PLCL2: variants seen among roughly 807,000 people sequenced by gnomAD.
The protein encoded by PLCL2 is inactive phospholipase C-like protein 2.
In PLCL2, 4 loss-of-function variants were observed where a neutral mutation model predicts 79.6. The ratio of observed to expected loss-of-function variants is 0.05; its 90% CI spans 0.02 to 0.11. PLCL2 has a LOEUF of 0.11. Ranked by LOEUF, PLCL2 falls within the 10% of genes least tolerant of loss-of-function variation. The pLI, the probability that PLCL2 is intolerant of heterozygous loss-of-function variation, is 1.00. For synonymous variants in PLCL2, 484 were observed against 457.7 expected (o/e 1.06, Z -0.73); for missense variants, 895 against 1,291.0 (o/e 0.69, Z 4.70).
chr3:17,002,075 A>G, intron 1 of PLCL2, among the ~76,000 whole-genome samples: 1 of 152,030 alleles, frequency 6.6e-6, no homozygotes, highest in East Asian at 1.9e-4. Flanking sequence ...CTTTGGTTAC[A>G]TTTATTCCTA....
At chr3:16,894,451 A>T (rs911490688) in intron 1 of PLCL2, among the ~76,000 whole-genome samples, 10 of 152,202 alleles carry the variant, frequency 6.6e-5, no homozygotes, top group Admixed American at 1.3e-4. Context: ...AAATAATATT[A>T]GCAGTAGAAT....
At chr3:17,063,343 G>C (rs1406507488) in intron 4 of PLCL2, among the ~76,000 whole-genome samples, 1 of 122,588 alleles carries the variant, frequency 8.2e-6, no homozygotes, top group Non-Finnish European at 1.6e-5. Context: ...CAGTCTTACA[G>C]TTCTTAGATT....
chr3:16,994,926 G>T (rs2064138834), intron 1 of PLCL2, among the ~76,000 whole-genome samples: 1 of 152,244 alleles, frequency 6.6e-6, no homozygotes, highest in African/African-American at 2.4e-5. Context: ...GAAGGCCAGA[G>T]TATGGAAGAG....
chr3:17,003,999 C>T (rs1038046975), intron 1 of PLCL2, among the ~76,000 whole-genome samples: 2 of 152,140 alleles, frequency 1.3e-5, no homozygotes, highest in Admixed American at 6.6e-5. Context: ...TTTAAGAATT[C>T]CTTAAAATTT....
At chr3:17,014,669 C>G in intron 2 of PLCL2, 39 bp from the exon 3 acceptor site, 1 of 1,471,130 alleles carries the variant, frequency 6.8e-7, no homozygotes, top group Non-Finnish European at 9.5e-7. Context: ...AGTAAAACCC[C>G]CAGTTAATTA....
At chr3:16,909,116 T>G (rs189756026) in intron 1 of PLCL2, among the ~76,000 whole-genome samples, 290 of 152,370 alleles carry the variant, frequency 1.9e-3, no homozygotes, top group Non-Finnish European at 3.4e-3. Flanking sequence ...GCTGCACATA[T>G]GTAAAAGAAA....
chr3:16,984,097 A>C (rs947827378), intron 1 of PLCL2, among the ~76,000 whole-genome samples: 2 of 151,624 alleles, frequency 1.3e-5, no homozygotes, highest in African/African-American at 4.9e-5. Context: ...CTTTTGGTTC[A>C]TGAACGCGTG....
In PLCL2 at chr3:16,902,881, T is replaced by TGTGTGTGTGCGC. The variant is rs1272936432; in HGVS notation, c.327+17516_327+17517insTGTGTGTGCGCG. 5.5e-4 allele frequency among the ~76,000 whole-genome samples: 74 copies of TGTGTGTGTGCGC among 133,912 alleles called. No homozygotes were observed. In the South Asian group the frequency reaches 0.016, roughly 29 times the overall value. The allele number at this position is 133,912 out of a possible 152,430, so 87.9% of individuals were successfully genotyped here. On this transcript the variant is annotated intron_variant, in intron 1 of 5. Coordinates refer to ENST00000615277, the MANE Select transcript of PLCL2 (RefSeq NM_001144382.2). Reference sequence around the variant, plus strand: ...GTGTGTGTGTGTGTGTGTGTGTGTGTGNGCGCATGTGCATGCTTTGGAAGG... The same window carrying TGTGTGTGTGCGC: ...GTGTGTGTGTGTGTGTGTGTGTGTGTGTGTGTGTGCGCGNGCGCATGTGCATGCTTTGGAAGG...
rs1460111233 is a variant in PLCL2 at position 17,009,219 on chromosome 3, G to A, written c.328-455G>A. On this transcript the variant is annotated intron_variant, in intron 1 of 5. Transcript: ENST00000615277. This position sits in a 1 kb window ranked among gnomAD's most constrained non-coding sequence, Gnocchi z 4.0. ...AGGCTGGTCTCAAACTTCTGACCTT[G>A]GGTGATCTGCCCCTTCTTGGCCTCC... Among the ~76,000 whole-genome samples the A allele has an allele frequency of 1.3e-5, 2 of 151,384 alleles. No individual in the cohort carries two copies. The highest frequency in any genetic ancestry group is 2.9e-5 in the Non-Finnish European group (2 of 67,852).
chr3:17,038,441 A>T (rs1400761872), intron 3 of PLCL2, among the ~76,000 whole-genome samples: 3 of 152,184 alleles, frequency 2.0e-5, no homozygotes, highest in Non-Finnish European at 4.4e-5. Context: ...ATAATTAACC[A>T]TTCTACTTGG....
intron 1 of PLCL2, among the ~76,000 whole-genome samples, chr3:16,985,093 G>C (rs2064035681): frequency 6.6e-6 from 1 of 152,076 alleles, no homozygotes; most frequent in Non-Finnish European, 1.5e-5. Flanking sequence ...AGAATTGTTT[G>C]TGGAATTCTT....
chr3:16,986,710 G>A (rs2064054080), intron 1 of PLCL2, among the ~76,000 whole-genome samples: 1 of 151,938 alleles, frequency 6.6e-6, no homozygotes, highest in Non-Finnish European at 1.5e-5. Context: ...GCCCCCTAGG[G>A]GTTCTTTAGC....
At position 16,913,724 on chromosome 3, in the gene PLCL2, CT is replaced by C. The variant is rs1413452628; in HGVS notation, c.327+28359del. ...GTATGTGTATATATGTAAAAAATAGCTGTCATGTAGTCATTATTTTTGTGAC... is the reference window on the plus strand; with the variant it reads ...GTATGTGTATATATGTAAAAAATAGCGTCATGTAGTCATTATTTTTGTGAC... On this transcript the variant is annotated intron_variant, in intron 1 of 5. Transcript: ENST00000615277. Among the ~76,000 whole-genome samples, 3 of 151,852 alleles carry C rather than the reference CT, an allele frequency of 2.0e-5. No homozygotes were observed. In the East Asian group the frequency reaches 5.8e-4, roughly 29 times the overall value.
At chr3:17,062,165 G>A (rs2064959659) in intron 4 of PLCL2, among the ~76,000 whole-genome samples, 2 of 152,118 alleles carry the variant, frequency 1.3e-5, no homozygotes, top group East Asian at 1.9e-4. Flanking sequence ...GGCCAGCCAG[G>A]TCTTTTGCTG....
At chr3:16,973,552 A>T (rs2063895295) in intron 1 of PLCL2, among the ~76,000 whole-genome samples, 1 of 152,176 alleles carries the variant, frequency 6.6e-6, no homozygotes, top group Non-Finnish European at 1.5e-5. Flanking sequence ...TTATGCTTTA[A>T]GATAGTAAAG....
rs146363731 is a variant in PLCL2, at chr3:17,014,809, C to T, written c.2916C>T (p.Asn972=). The T allele has an allele frequency of 7.5e-4, 1,207 of 1,614,100 alleles. 3 individuals carry two copies. In the African/African-American group the frequency reaches 0.015, roughly 20 times the overall value. Residue 972 remains asparagine, a synonymous_variant, in exon 3 of 6, where the codon AAC becomes AAT. Transcript: ENST00000615277. ...CTCCCCGCTTTCTGGGGCCCGATAA[C>T]ACACCCCTAGTGGTCCTAAATCTCA... is the stretch of plus-strand genomic sequence containing the variant. ...AVSPRFLGPD[N]TPLVVLNLSE...
chr3:16,894,935 G>A (rs1333267100), intron 1 of PLCL2, among the ~76,000 whole-genome samples: 29 of 151,868 alleles, frequency 1.9e-4, no homozygotes, highest in Admixed American at 1.9e-3. Flanking sequence ...ATATCGCTTA[G>A]ATTTTTATTT....
chr3:16,903,612 G>A (rs1696680157), intron 1 of PLCL2, among the ~76,000 whole-genome samples: 2 of 152,156 alleles, frequency 1.3e-5, no homozygotes, highest in African/African-American at 2.4e-5. Context: ...GTGTGGAATC[G>A]GTAGGAGTTC....
At chr3:16,910,276 T>C (rs6799397) in intron 1 of PLCL2, among the ~76,000 whole-genome samples, 108,337 of 151,862 alleles carry the variant, frequency 0.71, 39,015 homozygotes, top group African/African-American at 0.8. Flanking sequence ...TTTTTAAAGC[T>C]GCTCCCTTCA....
Sources: gnomAD v4.1 joint callset for allele counts (sites outside exome capture counted in the v4.1 genomes callset) on GRCh38, gnomAD v4.1.1 for gene constraint, Gnocchi (gnomAD v3.1) non-coding constraint, MANE v1.5 for transcripts, NCBI Gene and HGNC (gene_info 2026-07-23, HGNC 2026-07-21) for gene names.